The following INO80E variants were observed in gnomAD, a reference collection of about 807,000 sequenced individuals.
INO80E encodes INO80 complex subunit E, also known as coiled-coil domain containing 95.
INO80E carries 20 observed loss-of-function variants against 27.3 expected under a neutral mutation model. The ratio of observed to expected loss-of-function variants is 0.73; its 90% CI spans 0.51 to 1.06. INO80E has a LOEUF of 1.06. Ranked by LOEUF, INO80E falls within the 50% of genes least tolerant of loss-of-function variation. The pLI is 0.00. For synonymous variants in INO80E, 167 were observed against 145.9 expected (o/e 1.14, Z -1.04); for missense variants, 357 against 322.8 (o/e 1.11, Z -0.81).
At chr16:30,004,850 G>T (rs925773271) in intron 6 of INO80E, among the ~76,000 whole-genome samples, 1 of 152,178 alleles carries the variant, frequency 6.6e-6, no homozygotes, top group Non-Finnish European at 1.5e-5. Context: ...GAGGAAGCTG[G>T]TGGCAGGTGG....
At chr16:30,001,370 C>T (rs57312298) in intron 5 of INO80E, 44 bp from the exon 6 acceptor site, 117,465 of 1,545,332 alleles carry the variant, frequency 0.076, 6,507 homozygotes, top group African/African-American at 0.28. Context: ...ACCCTCACCC[C>T]GGTCCATTCC....
chr16:30,001,851 A>G, intron 6 of INO80E: 1 of 330,398 alleles, frequency 3.0e-6, no homozygotes. Context: ...CCGGGTCAGG[A>G]TTATGGGATC....
intron 3 of INO80E, 113 bp from the exon 4 acceptor site, chr16:30,000,645 G>C (rs567995295): frequency 3.7e-6 from 3 of 810,824 alleles, no homozygotes; most frequent in Admixed American, 4.5e-5. Context: ...GATTCCAGGC[G>C]TGAGCCCCCG....
Position 29,996,587 on chromosome 16 carries a change from G to A in INO80E, c.122G>A (p.Arg41Lys). 1.3e-6 allele frequency: 2 copies of A among 1,577,684 alleles called. No individual in the cohort carries two copies. The highest frequency in any genetic ancestry group is 1.7e-6 in the Non-Finnish European group (2 of 1,161,798). ...CAGGAGGAGCTGAGGAAAGCGCAAA[G>A]GAAATTACTGAAGGTGTCCCGGGAC... ...CFQEELRKAQRKLLKVSRDKS... is the reference protein window; with the variant it reads ...CFQEELRKAQKKLLKVSRDKS... Residue 41 changes from arginine to lysine, a missense_variant, in exon 2 of 7, where the codon AGG becomes AAG. Physicochemically the swap from Arg to Lys is conservative, Grantham distance 26. Transcript: ENST00000563197.
chr16:29,996,524 C>T (rs1292421161), intron 1 of INO80E, 23 bp from the exon 2 acceptor site: 3 of 1,556,882 alleles, frequency 1.9e-6, no homozygotes, highest in African/African-American at 1.4e-5. Flanking sequence ...GTTGGCCCAG[C>T]GCACCCCTTG....
At chr16:30,005,193 C>T (rs917133512) in intron 6 of INO80E, 28 bp from the exon 7 acceptor site, 25 of 1,438,956 alleles carry the variant, frequency 1.7e-5, no homozygotes, top group Non-Finnish European at 2.2e-5. Context: ...CCTGACTAGT[C>T]CCCCTGTGTT....
At position 30,005,764 on chromosome 16, in the gene INO80E, G is replaced by A. The variant is rs1226794346; in HGVS notation, c.*322G>A. 8.4e-6 allele frequency: 4 copies of A among 474,454 alleles called. No individual in the cohort carries two copies. Among genetic ancestry groups the A allele is most frequent in the Non-Finnish European group, 1.5e-5 (4 of 267,648 alleles). The allele number at this position is 474,454 out of a possible 1,614,324, so 29.4% of individuals were successfully genotyped here. A position where few individuals can be genotyped will look rare whatever the true frequency, so the allele number is the denominator to read the frequency against. On this transcript the variant is annotated 3_prime_UTR_variant, in exon 7 of 7. Coordinates refer to ENST00000563197, the MANE Select transcript of INO80E (RefSeq NM_173618.3). ...TACAGGGCTAGGTTTTTTCAATGAAGTTTCTGTATTAAAGGAGTGGCTCTG... is the reference window on the plus strand; with the variant it reads ...TACAGGGCTAGGTTTTTTCAATGAAATTTCTGTATTAAAGGAGTGGCTCTG...
chr16:29,996,956 G>A, intron 3 of INO80E, 96 bp downstream of exon 3: 2 of 1,169,352 alleles, frequency 1.7e-6, no homozygotes, highest in African/African-American at 1.5e-5. Context: ...GGCTGATGCA[G>A]CCCCCAGTGG....
At position 29,996,331 on chromosome 16, in the gene INO80E, C is replaced by T. The variant is rs1373481591; in HGVS notation, c.21C>T (p.Gly7=). The change falls in exon 1 of 7, where the codon GGC becomes GGT. Residue 7 remains glycine, a synonymous_variant. Transcript: ENST00000563197. The part of the protein sequence containing the change: MNGPAD[G]EVDYKKKYRN... ...CGGTCATGAACGGGCCGGCGGACGGCGAAGTGGACTACAAAAAAAAATACC... is the reference window on the plus strand; with the variant it reads ...CGGTCATGAACGGGCCGGCGGACGGTGAAGTGGACTACAAAAAAAAATACC... 1 of 1,595,628 alleles carries T rather than the reference C, an allele frequency of 6.3e-7. No individual in the cohort carries two copies. Among genetic ancestry groups the T allele is most frequent in the Non-Finnish European group, 8.5e-7 (1 of 1,171,470 alleles).
intron 3 of INO80E, among the ~76,000 whole-genome samples, chr16:29,997,964 C>T (rs1015006182): frequency 6.6e-6 from 1 of 151,790 alleles, no homozygotes; most frequent in South Asian, 2.1e-4. Context: ...TACATGTGGT[C>T]CCAGCTACTT....
intron 3 of INO80E, 114 bp from the exon 4 acceptor site, chr16:30,000,644 C>T (rs1056183933): frequency 7.6e-6 from 6 of 793,620 alleles, no homozygotes; most frequent in East Asian, 2.7e-5. Flanking sequence ...GGATTCCAGG[C>T]GTGAGCCCCC....
intron 3 of INO80E, 68 bp downstream of exon 3, chr16:29,996,928 C>T (rs947189084): frequency 8.7e-6 from 13 of 1,501,934 alleles, no homozygotes; most frequent in African/African-American, 6.9e-5. Context: ...CCTGGGCCCC[C>T]GCCTTTTAGG....
At position 30,005,517 on chromosome 16, in the gene INO80E, C is replaced by T. The variant is rs1288116382; in HGVS notation, c.*75C>T. On this transcript the variant is annotated 3_prime_UTR_variant, in exon 7 of 7. Coordinates refer to ENST00000563197, the MANE Select transcript of INO80E (RefSeq NM_173618.3). ...TGCCAGCACACACGAGTCCAGCTTC[C>T]TCGGAGGTGTTTATTGATGCCCAGC... The T allele has an allele frequency of 2.2e-6, 3 of 1,387,810 alleles. No homozygotes were observed. Among genetic ancestry groups the T allele is most frequent in the Non-Finnish European group, 3.0e-6 (3 of 1,006,434 alleles). The allele number at this position is 1,387,810 out of a possible 1,614,324, so 86.0% of individuals were successfully genotyped here. A position where few individuals can be genotyped will look rare whatever the true frequency, so the allele number is the denominator to read the frequency against.
chr16:30,001,347 C>T (rs1183440193), intron 5 of INO80E, 67 bp from the exon 6 acceptor site: 5 of 1,520,434 alleles, frequency 3.3e-6, no homozygotes, highest in East Asian at 2.5e-5. Context: ...CTTCTGTTTG[C>T]ATTTCTTCCC....
At position 30,000,750 on chromosome 16, in the gene INO80E, C is replaced by T. The variant is rs754455370; in HGVS notation, c.206-8C>T. On this transcript the variant is annotated splice_region_variant and splice_polypyrimidine_tract_variant and intron_variant, in intron 3 of 6. Coordinates refer to ENST00000563197, the MANE Select transcript of INO80E (RefSeq NM_173618.3). ...CCCATCCCCACTGACCAGCTGTCCC[C>T]ATCACAGACTCAGATGCCACTGCAT... 6.2e-7 allele frequency: 1 copy of T among 1,613,462 alleles called. No homozygotes were observed. Among genetic ancestry groups the T allele is most frequent in the Non-Finnish European group, 8.5e-7 (1 of 1,179,390 alleles).
chr16:30,000,701 C>T, intron 3 of INO80E, 57 bp from the exon 4 acceptor site: 8 of 1,463,900 alleles, frequency 5.5e-6, no homozygotes, highest in South Asian at 1.1e-5. Flanking sequence ...GAGGTTATAC[C>T]TTTCTGGGAT....
In INO80E at chr16:29,996,605, C is replaced by G. The variant is rs976994166; in HGVS notation, c.140C>G (p.Ser47Cys). ...GCGCAAAGGAAATTACTGAAGGTGT[C>G]CCGGGACAAGAGGTGAGGCACGTTG... ...RKAQRKLLKV[S>C]RDKSFLLDRL... Residue 47 changes from serine to cysteine, a missense_variant, in exon 2 of 7, where the codon TCC becomes TGC. Ser to Cys is a moderately radical substitution (Grantham distance 112). Transcript: ENST00000563197. The G allele has an allele frequency of 3.2e-6, 5 of 1,579,852 alleles. No homozygotes were observed. Among genetic ancestry groups the G allele is most frequent in the Non-Finnish European group, 4.3e-6 (5 of 1,162,882 alleles).
Position 30,000,974 on chromosome 16 carries a change from C to G in INO80E, c.330C>G (p.Leu110=). The change falls in exon 5 of 7, where the codon CTC becomes CTG. Residue 110 remains leucine (L), a synonymous_variant. Coordinates refer to ENST00000563197, the MANE Select transcript of INO80E (RefSeq NM_173618.3). ...PLGGAPSPSS[L]SLPPSTGFPL... ...GGGGCGCCCCCTCTCCCTCCAGCCT[C>G]TCCCTGCCTCCTTCAACAGGGTTTC... 1 of 1,566,998 alleles carries G rather than the reference C, an allele frequency of 6.4e-7. No individual in the cohort carries two copies. Among genetic ancestry groups the G allele is most frequent in the Non-Finnish European group, 8.7e-7 (1 of 1,154,574 alleles).
In INO80E at chr16:30,001,479, T is replaced by A; in HGVS notation, c.462T>A (p.Ser154Arg). The A allele has an allele frequency of 6.2e-7, 1 of 1,612,916 alleles. No individual in the cohort carries two copies. Among genetic ancestry groups the A allele is most frequent in the Non-Finnish European group, 8.5e-7 (1 of 1,179,628 alleles). Residue 154 changes from serine to arginine, a missense_variant, in exon 6 of 7, where the codon AGT becomes AGA. Coordinates refer to ENST00000563197, the MANE Select transcript of INO80E (RefSeq NM_173618.3). ...TGGCCCTGCAGCTGCCCGAGCCCAG[T>A]CCCCTGAGGCCCAAGCGGGAGAAAC... ...DYLALQLPEP[S>R]PLRPKREKRP...
Sources: allele counts gnomAD v4.1 joint callset (sites outside exome capture counted in the v4.1 genomes callset), GRCh38; gene constraint gnomAD v4.1.1; transcripts MANE v1.5; gene names NCBI Gene and HGNC (gene_info 2026-07-23, HGNC 2026-07-21).